The following CFAP299 variants were observed in gnomAD, a reference collection of about 807,000 sequenced individuals.
CFAP299 encodes the protein cilia and flagella associated protein 299.
Under a neutral mutation model 27.0 loss-of-function variants are expected in CFAP299, and 21 were observed. The ratio of observed to expected loss-of-function variants is 0.78; its 90% CI spans 0.55 to 1.12. The LOEUF is 1.12. Among genes scored for constraint, CFAP299 ranks in the 50% most tolerant of loss-of-function variants. The probability of loss-of-function intolerance (pLI) is 0.00; values close to 1 mark genes in which losing one functional copy is unlikely to be tolerated. For synonymous variants in CFAP299, 104 were observed against 98.1 expected (o/e 1.06, Z -0.36); for missense variants, 310 against 276.6 (o/e 1.12, Z -0.86).
At chr4:80,583,789 T>C (rs1736293654) in intron 3 of CFAP299, among the ~76,000 whole-genome samples, 1 of 151,976 alleles carries the variant, frequency 6.6e-6, no homozygotes, top group African/African-American at 2.4e-5. Flanking sequence ...TCTTTGTAAG[T>C]CTTAACATGT....
chr4:80,548,259 T>A (rs528977924), intron 2 of CFAP299, among the ~76,000 whole-genome samples: 3 of 152,292 alleles, frequency 2.0e-5, no homozygotes, highest in African/African-American at 4.8e-5. Flanking sequence ...GAGGCCATTA[T>A]GCTAAGTGAA....
intron 2 of CFAP299, among the ~76,000 whole-genome samples, chr4:80,575,259 A>G (rs755126567): frequency 2.2e-4 from 33 of 152,204 alleles, no homozygotes; most frequent in South Asian, 1.0e-3. Flanking sequence ...AGAGTTACTC[A>G]TAGTAGCCTC....
chr4:80,720,768 A>C (rs1722765558), intron 3 of CFAP299, among the ~76,000 whole-genome samples: 1 of 152,202 alleles, frequency 6.6e-6, no homozygotes, highest in South Asian at 2.1e-4. Flanking sequence ...ATTCTTCTGA[A>C]TAAGGAGAAA....
chr4:80,814,635 T>C (rs1729329739), intron 3 of CFAP299, among the ~76,000 whole-genome samples: 1 of 151,954 alleles, frequency 6.6e-6, no homozygotes, highest in Non-Finnish European at 1.5e-5. Context: ...TCAAAATACT[T>C]CATTGGAGTA....
chr4:80,957,609 A>C (rs1185225460), intron 5 of CFAP299, among the ~76,000 whole-genome samples: 5 of 152,248 alleles, frequency 3.3e-5, no homozygotes, highest in African/African-American at 1.2e-4. Flanking sequence ...CAATGCAAAA[A>C]TGCATTGTAT....
intron 3 of CFAP299, among the ~76,000 whole-genome samples, chr4:80,708,941 TTA>T (rs1376205302): frequency 1.3e-5 from 2 of 152,160 alleles, no homozygotes; most frequent in Non-Finnish European, 2.9e-5. Flanking sequence ...CAGATTATGT[TTA>T]GTTTGTCATC....
intron 3 of CFAP299, among the ~76,000 whole-genome samples, chr4:80,613,952 A>G (rs909431884): frequency 6.6e-6 from 1 of 152,194 alleles, no homozygotes; most frequent in Non-Finnish European, 1.5e-5. Flanking sequence ...TGCTACAGAA[A>G]GGCAGGCAGG....
chr4:80,731,160 A>G (rs1723498453), intron 3 of CFAP299, among the ~76,000 whole-genome samples: 1 of 152,212 alleles, frequency 6.6e-6, no homozygotes, highest in Admixed American at 6.5e-5. Flanking sequence ...TAATCTTTTG[A>G]GAGCAGTGGG....
chr4:80,914,221 G>C (rs962408167), intron 4 of CFAP299, among the ~76,000 whole-genome samples: 3 of 152,140 alleles, frequency 2.0e-5, no homozygotes, highest in Non-Finnish European at 4.4e-5. Context: ...AGGATTATTG[G>C]ATATGATAAG....
At chr4:80,502,238 T>C (rs1731784209) in intron 2 of CFAP299, among the ~76,000 whole-genome samples, 1 of 152,092 alleles carries the variant, frequency 6.6e-6, no homozygotes, top group African/African-American at 2.4e-5. Flanking sequence ...GAAAATCAAG[T>C]ATTATGCTTT....
chr4:80,822,067 T>A (rs1446136655), intron 3 of CFAP299, among the ~76,000 whole-genome samples: 1 of 152,204 alleles, frequency 6.6e-6, no homozygotes, highest in East Asian at 1.9e-4. Context: ...GCACTTGGAC[T>A]TGGTGAAATT....
chr4:80,795,017 G>T (rs977575589), intron 3 of CFAP299, among the ~76,000 whole-genome samples: 16 of 152,110 alleles, frequency 1.1e-4, no homozygotes, highest in East Asian at 1.9e-4. Context: ...TGGCCACTTT[G>T]TTCATGGGCC....
intron 2 of CFAP299, among the ~76,000 whole-genome samples, chr4:80,571,935 G>A (rs1205699535): frequency 6.6e-6 from 1 of 152,128 alleles, no homozygotes; most frequent in Non-Finnish European, 1.5e-5. Context: ...AGCCCAAACT[G>A]CCTAATACAG....
At chr4:80,760,565 A>G (rs1420693794) in intron 3 of CFAP299, among the ~76,000 whole-genome samples, 1 of 152,162 alleles carries the variant, frequency 6.6e-6, no homozygotes, top group African/African-American at 2.4e-5. Context: ...ATAGTACAAA[A>G]CTACCACACT....
At chr4:80,884,820 G>A (rs560696838) in intron 4 of CFAP299, among the ~76,000 whole-genome samples, 1 of 152,018 alleles carries the variant, frequency 6.6e-6, no homozygotes, top group Admixed American at 6.6e-5. Context: ...CCCATTCACT[G>A]GAACACCAAA....
intron 2 of CFAP299, among the ~76,000 whole-genome samples, chr4:80,385,094 G>A (rs1724901869): frequency 6.6e-6 from 1 of 152,050 alleles, no homozygotes; most frequent in African/African-American, 2.4e-5. Flanking sequence ...TATTGTTTAT[G>A]ATGAGAACAA....
chr4:80,834,822 A>G (rs1730475597), intron 3 of CFAP299, among the ~76,000 whole-genome samples: 1 of 152,136 alleles, frequency 6.6e-6, no homozygotes, highest in African/African-American at 2.4e-5. Flanking sequence ...GATGAAGGAG[A>G]GACTTGCACC....
intron 3 of CFAP299, among the ~76,000 whole-genome samples, chr4:80,849,525 C>T (rs1473673498): frequency 6.6e-6 from 1 of 151,906 alleles, no homozygotes; most frequent in Admixed American, 6.6e-5. Flanking sequence ...GGGCATATTC[C>T]CAGGAAAATA....
chr4:80,346,335 A>G (rs1466856134), intron 1 of CFAP299, among the ~76,000 whole-genome samples: 2 of 152,140 alleles, frequency 1.3e-5, no homozygotes, highest in African/African-American at 4.8e-5. Flanking sequence ...TGTTTTTGTC[A>G]TGAAGTCCTT....
Sources: gnomAD v4.1 joint callset for allele counts (sites outside exome capture counted in the v4.1 genomes callset) on GRCh38, gnomAD v4.1.1 for gene constraint, MANE v1.5 for transcripts, NCBI Gene and HGNC (gene_info 2026-07-23, HGNC 2026-07-21) for gene names.